GRM8: variants seen among roughly 807,000 people sequenced by gnomAD.
The protein encoded by GRM8 is metabotropic glutamate receptor 8.
In GRM8, 47 loss-of-function variants were observed where a neutral mutation model predicts 87.2. The ratio of observed to expected loss-of-function variants is 0.54; its 90% CI spans 0.43 to 0.69. The LOEUF (loss-of-function observed/expected upper bound fraction) is 0.69, where lower values mean the gene tolerates loss of function less well. Among genes scored for constraint, GRM8 ranks in the 30% least tolerant of loss-of-function variants. The pLI is 0.00. For synonymous variants in GRM8, 396 were observed against 404.5 expected, an observed-to-expected ratio of 0.98 and a Z score of 0.25; for missense variants, 1,019 against 1,139.2, an observed-to-expected ratio of 0.89 and a Z score of 1.52.
intron 3 of GRM8, among the ~76,000 whole-genome samples, chr7:127,052,685 G>A (rs1048228139): frequency 6.6e-6 from 1 of 152,032 alleles, no homozygotes; most frequent in Non-Finnish European, 1.5e-5. Flanking sequence ...CTACTCTTTA[G>A]GCATCACCTC....
chr7:127,146,319 G>T (rs554948678), intron 2 of GRM8, among the ~76,000 whole-genome samples: 7 of 152,186 alleles, frequency 4.6e-5, no homozygotes, highest in Admixed American at 4.6e-4. Context: ...TCGCTGAAGA[G>T]AGTGTAGGAG....
intron 3 of GRM8, among the ~76,000 whole-genome samples, chr7:126,921,186 C>T (rs2131361911): frequency 6.6e-6 from 1 of 152,086 alleles, no homozygotes; most frequent in Non-Finnish European, 1.5e-5. Context: ...GAAGTGTGTC[C>T]ATGCAACAAG....
At position 127,038,552 on chromosome 7, in the gene GRM8, A is replaced by C. The variant is rs1001275983; in HGVS notation, c.727+67944T>G. Reference sequence around the variant, plus strand: ...GCTCATTACATTATAATAAGCTTCGAGTGAACTCACATAAAGAACTTAAAA... The same window carrying C: ...GCTCATTACATTATAATAAGCTTCGCGTGAACTCACATAAAGAACTTAAAA... On this transcript the variant is annotated intron_variant, in intron 3 of 10. Coordinates refer to ENST00000339582, the MANE Select transcript of GRM8 (RefSeq NM_000845.3). Among the ~76,000 whole-genome samples, 5 of 152,324 alleles carry C rather than the reference A, an allele frequency of 3.3e-5. No homozygotes were observed. In the East Asian group the frequency reaches 9.6e-4, roughly 29 times the overall value.
intron 1 of GRM8, among the ~76,000 whole-genome samples, chr7:127,251,381 A>G (rs1179981308): frequency 6.6e-6 from 1 of 151,908 alleles, no homozygotes; most frequent in Non-Finnish European, 1.5e-5. Flanking sequence ...CACCAACTGT[A>G]CGAAGCTCAA....
chr7:126,857,265 C>T (rs1397467316), intron 6 of GRM8, among the ~76,000 whole-genome samples: 1 of 152,138 alleles, frequency 6.6e-6, no homozygotes, highest in Non-Finnish European at 1.5e-5. Context: ...AACCTCTTAA[C>T]CAAATGGTGT....
chr7:126,914,478 C>G (rs1483541716), intron 3 of GRM8, among the ~76,000 whole-genome samples: 2 of 152,138 alleles, frequency 1.3e-5, no homozygotes, highest in African/African-American at 4.8e-5. Context: ...CTATATGTTC[C>G]CCACAGCACT....
chr7:126,760,418 AAGAAATC>A (rs906348262), intron 7 of GRM8, among the ~76,000 whole-genome samples: 2 of 152,192 alleles, frequency 1.3e-5, no homozygotes, highest in African/African-American at 4.8e-5. Context: ...AAAACTATAA[AAGAAATC>A]AGACTTTGAA....
chr7:127,238,209 T>C (rs1268176822), intron 2 of GRM8, among the ~76,000 whole-genome samples: 2 of 152,154 alleles, frequency 1.3e-5, no homozygotes, highest in Non-Finnish European at 2.9e-5. Context: ...TCCTAATTGA[T>C]ACTTCTGTTA....
At chr7:126,819,267 G>GACAC (rs1326195595) in intron 6 of GRM8, among the ~76,000 whole-genome samples, 2 of 54,862 alleles carry the variant, frequency 3.6e-5, no homozygotes, top group African/African-American at 1.3e-4. Flanking sequence ...TATTCAGACA[G>GACAC]ACACACATAC....
chr7:126,632,274 T>C (rs34545251), intron 7 of GRM8, among the ~76,000 whole-genome samples: 4 of 152,186 alleles, frequency 2.6e-5, no homozygotes, highest in African/African-American at 9.6e-5. Context: ...AACAAACATA[T>C]GAAAGAAAGC....
At chr7:126,695,828 G>A (rs1278234890) in intron 7 of GRM8, among the ~76,000 whole-genome samples, 6 of 152,090 alleles carry the variant, frequency 3.9e-5, no homozygotes, top group Admixed American at 1.3e-4. Flanking sequence ...AGGATGGGGC[G>A]GGGGACACAT....
intron 7 of GRM8, among the ~76,000 whole-genome samples, chr7:126,741,753 A>C (rs2151511762): frequency 6.6e-6 from 1 of 152,250 alleles, no homozygotes; most frequent in South Asian, 2.1e-4. Context: ...TCTTTGTAAA[A>C]TGGAAATAAT....
At chr7:126,933,350 A>G (rs758126457) in intron 3 of GRM8, among the ~76,000 whole-genome samples, 22 of 152,226 alleles carry the variant, frequency 1.4e-4, no homozygotes, top group Non-Finnish European at 2.9e-4. Context: ...AAGAACATAG[A>G]TTAAGGATTG....
intron 2 of GRM8, among the ~76,000 whole-genome samples, chr7:127,204,584 T>A (rs977748516): frequency 6.6e-6 from 1 of 152,230 alleles, no homozygotes; most frequent in African/African-American, 2.4e-5. Flanking sequence ...GCTAGTTAGA[T>A]GCACTCACTA....
chr7:126,451,249 C>T (rs1802585830), intron 9 of GRM8, among the ~76,000 whole-genome samples: 1 of 151,780 alleles, frequency 6.6e-6, no homozygotes, highest in African/African-American at 2.4e-5. Context: ...AACTTGATCT[C>T]CCAGTGGTCT....
chr7:126,738,766 C>T (rs137990020), intron 7 of GRM8, among the ~76,000 whole-genome samples: 2,045 of 146,266 alleles, frequency 0.014, 25 homozygotes, highest in Non-Finnish European at 0.018. Context: ...GGAAATTCTA[C>T]GTTGAGGAAA....
chr7:127,250,920 G>C (rs1402436118), intron 1 of GRM8: 1 of 151,984 alleles, frequency 6.6e-6, no homozygotes, highest in East Asian at 1.9e-4. Flanking sequence ...CTTTTCTCCC[G>C]TTCATGATTT....
At chr7:126,597,631 TTTA>T (rs1797335172) in intron 8 of GRM8, among the ~76,000 whole-genome samples, 1 of 152,134 alleles carries the variant, frequency 6.6e-6, no homozygotes, top group Admixed American at 6.6e-5. Flanking sequence ...TTTTTATTAC[TTTA>T]TTATCTCCAT....
At chr7:126,763,215 A>G (rs1817782181) in intron 7 of GRM8, among the ~76,000 whole-genome samples, 1 of 151,602 alleles carries the variant, frequency 6.6e-6, no homozygotes, top group Admixed American at 6.6e-5. Flanking sequence ...TTTTTAAAAT[A>G]ATTTCTTTTA....
Sources: gnomAD v4.1 joint callset for allele counts (sites outside exome capture counted in the v4.1 genomes callset) on GRCh38, gnomAD v4.1.1 for gene constraint, MANE v1.5 for transcripts, NCBI Gene and HGNC (gene_info 2026-07-23, HGNC 2026-07-21) for gene names.